Variants in PFKFB3 observed in about 807,000 individuals in gnomAD.
The protein encoded by PFKFB3 is 6-phosphofructo-2-kinase/fructose-2,6-bisphosphatase 3.
PFKFB3 carries 33 observed loss-of-function variants against 68.0 expected under a neutral mutation model. That is an observed-to-expected ratio of 0.49 (90% CI 0.37 to 0.65). The LOEUF (loss-of-function observed/expected upper bound fraction) is 0.65. Ranked by LOEUF, PFKFB3 falls within the 30% of genes least tolerant of loss-of-function variation. The pLI, the probability that PFKFB3 is intolerant of heterozygous loss-of-function variation, is 0.00. For synonymous variants in PFKFB3, 315 were observed against 288.2 expected, an observed-to-expected ratio of 1.09 and a Z score of -0.94; for missense variants, 586 against 712.2, an observed-to-expected ratio of 0.82 and a Z score of 2.02.
chr10:6,232,362 G>GCTCCCCACCTGGGC (rs1435154058), intron 14 of PFKFB3, among the ~76,000 whole-genome samples: 3 of 152,148 alleles, frequency 2.0e-5, no homozygotes, highest in African/African-American at 4.8e-5. Context: ...CCTCTGCCTG[G>GCTCCCCACCTGGGC]CTCCCCACCT....
intron 1 of PFKFB3, among the ~76,000 whole-genome samples, chr10:6,183,601 C>CAAAAA (rs773888395): frequency 3.9e-5 from 5 of 127,838 alleles, no homozygotes; most frequent in African/African-American, 1.5e-4. Context: ...CCAGCCTGGT[C>CAAAAA]AAAAAAAAAA....
At chr10:6,238,912 T>G (rs745703667), downstream of PFKFB3, among the ~76,000 whole-genome samples, 14 of 152,244 alleles carry the variant, frequency 9.2e-5, no homozygotes, top group Non-Finnish European at 1.9e-4. Context: ...TTCCTTTTCA[T>G]GGCTGTATAG....
chr10:6,165,058 C>T (rs1009986296), intron 1 of PFKFB3, among the ~76,000 whole-genome samples: 13 of 152,116 alleles, frequency 8.5e-5, no homozygotes, highest in African/African-American at 3.1e-4. Flanking sequence ...CTGGCTGGGG[C>T]ACGGTCAGGT....
intron 1 of PFKFB3, among the ~76,000 whole-genome samples, chr10:6,146,006 A>T (rs1194297312): frequency 6.6e-6 from 1 of 152,106 alleles, no homozygotes; most frequent in East Asian, 1.9e-4. Context: ...TTGACTTTCA[A>T]ATCAGAGTTG....
intron 2 of PFKFB3, 75 bp downstream of exon 2, chr10:6,213,823 G>A: frequency 6.5e-7 from 1 of 1,534,776 alleles, no homozygotes; most frequent in South Asian, 1.2e-5. Context: ...TGGTTTCACA[G>A]GCAGGACCAC....
intron 1 of PFKFB3, among the ~76,000 whole-genome samples, chr10:6,189,107 G>A (rs604715): frequency 0.87 from 132,887 of 152,058 alleles, 58,239 homozygotes; most frequent in East Asian, 0.97. Flanking sequence ...CCAAAGTGCT[G>A]GGATTACAGG....
intron 1 of PFKFB3, chr10:6,146,185 C>G (rs1230762882): frequency 7.2e-7 from 1 of 1,395,638 alleles, no homozygotes; most frequent in African/African-American, 1.5e-5. Context: ...CTGTGCTGTG[C>G]CGTCTCTCCC....
chr10:6,277,297 G>A, the PFKFB3 span, among the ~76,000 whole-genome samples: 26 of 151,430 alleles, frequency 1.7e-4, no homozygotes, highest in Admixed American at 9.9e-4. Context: ...GCAGTGGCGC[G>A]ATCTGGACTC....
At chr10:6,190,444 T>C (rs1462729053) in intron 1 of PFKFB3, among the ~76,000 whole-genome samples, 1 of 152,244 alleles carries the variant, frequency 6.6e-6, no homozygotes, top group African/African-American at 2.4e-5. Flanking sequence ...GTTGAGTGGA[T>C]TCATGTGTTC....
At chr10:6,194,054 A>G (rs930460324) in intron 1 of PFKFB3, among the ~76,000 whole-genome samples, 1 of 152,240 alleles carries the variant, frequency 6.6e-6, no homozygotes, top group African/African-American at 2.4e-5. Flanking sequence ...CATTGAGAAC[A>G]ATGGGAACCA....
Position 6,233,045 on chromosome 10 carries a change from G to A in PFKFB3, c.*103G>A, listed in dbSNP as rs1017711696. The A allele has an allele frequency of 2.2e-6, 2 of 908,522 alleles. No individual in the cohort carries two copies. The highest frequency in any genetic ancestry group is 1.8e-6 in the Non-Finnish European group (1 of 547,968). The allele number at this position is 908,522 out of a possible 1,614,324, so 56.3% of individuals were successfully genotyped here. A position where few individuals can be genotyped will look rare whatever the true frequency, so the allele number is the denominator to read the frequency against. ...ATCCTGAGGACTTCTTCCGGAGAGGGTGGGGTGGAGCAGCGGGGGAGCCTT... is the reference window on the plus strand; with the variant it reads ...ATCCTGAGGACTTCTTCCGGAGAGGATGGGGTGGAGCAGCGGGGGAGCCTT... On this transcript the variant is annotated 3_prime_UTR_variant, in exon 15 of 15. Coordinates refer to ENST00000379775, the MANE Select transcript of PFKFB3 (RefSeq NM_004566.4).
At chr10:6,163,361 A>T (rs1320671507) in intron 1 of PFKFB3, among the ~76,000 whole-genome samples, 1 of 152,206 alleles carries the variant, frequency 6.6e-6, no homozygotes, top group Non-Finnish European at 1.5e-5. Context: ...TTTTTTTAAT[A>T]ACAAAAAGGA....
downstream of PFKFB3, among the ~76,000 whole-genome samples, chr10:6,240,421 C>A (rs779232450): frequency 6.6e-6 from 1 of 151,872 alleles, no homozygotes; most frequent in East Asian, 1.9e-4. Flanking sequence ...CCCGCCTCCA[C>A]GCCCAGATAA....
At chr10:6,268,764 A>G in the PFKFB3 span, among the ~76,000 whole-genome samples, 3 of 151,784 alleles carry the variant, frequency 2.0e-5, no homozygotes, top group Non-Finnish European at 2.9e-5. Flanking sequence ...GCTCATGCCT[A>G]TAATCCCAGC....
chr10:6,271,719 A>G, the PFKFB3 span, among the ~76,000 whole-genome samples: 1 of 152,230 alleles, frequency 6.6e-6, no homozygotes, highest in South Asian at 2.1e-4. Context: ...AATGTTCAAT[A>G]AAGGTAACAG....
At chr10:6,274,585 G>C in the PFKFB3 span, among the ~76,000 whole-genome samples, 16 of 152,224 alleles carry the variant, frequency 1.1e-4, no homozygotes, top group Non-Finnish European at 2.1e-4. Context: ...GGTGGCTCAT[G>C]CCTGTAACCC....
At chr10:6,298,057 A>C in the PFKFB3 span, among the ~76,000 whole-genome samples, 1 of 152,192 alleles carries the variant, frequency 6.6e-6, no homozygotes, top group Non-Finnish European at 1.5e-5. Context: ...ACTTACCAGA[A>C]CAGAAAGAAG....
upstream of PFKFB3, among the ~76,000 whole-genome samples, chr10:6,201,032 T>C (rs188404919): frequency 2.0e-4 from 30 of 152,280 alleles, no homozygotes; most frequent in South Asian, 4.1e-4. This position sits in a 1 kb window ranked among gnomAD's most constrained non-coding sequence, Gnocchi z 4.1. Context: ...CGCCTGTACG[T>C]GTGCAAAATC....
chr10:6,237,418 A>G (rs570723772), downstream of PFKFB3, among the ~76,000 whole-genome samples: 36 of 146,340 alleles, frequency 2.5e-4, no homozygotes, highest in Non-Finnish European at 5.3e-4. Flanking sequence ...TTCAGCTTGC[A>G]GAAGGAGGCT....
Sources: allele counts gnomAD v4.1 joint callset (sites outside exome capture counted in the v4.1 genomes callset), GRCh38; gene constraint gnomAD v4.1.1; non-coding constraint Gnocchi (gnomAD v3.1); transcripts MANE v1.5; gene names NCBI Gene and HGNC (gene_info 2026-07-23, HGNC 2026-07-21).